The following LOC728743 variants were observed in gnomAD, a reference collection of about 807,000 sequenced individuals.
At chr7:150,410,940 A>C in the LOC728743 span, 7 of 152,334 alleles carry the variant, frequency 4.6e-5, no homozygotes, top group Admixed American at 3.9e-4. Flanking sequence ...CTTGTTCAGG[A>C]ATAAAGAATT....
chr7:150,409,546 G>C, the LOC728743 span, among the ~76,000 whole-genome samples: 1 of 152,222 alleles, frequency 6.6e-6, no homozygotes. Context: ...TGGTACTTAG[G>C]GGTACAACAG....
At chr7:150,411,048 G>A in the LOC728743 span, 6 of 152,334 alleles carry the variant, frequency 3.9e-5, no homozygotes, top group African/African-American at 1.4e-4. Context: ...ATTGGCAGAG[G>A]TCCCTTGGGC....
At chr7:150,408,950 G>A in the LOC728743 span, among the ~76,000 whole-genome samples, 1 of 152,158 alleles carries the variant, frequency 6.6e-6, no homozygotes, top group South Asian at 2.1e-4. Flanking sequence ...CATGAGGACC[G>A]CAGGCCCTGA....
the LOC728743 span, among the ~76,000 whole-genome samples, chr7:150,403,786 A>C: frequency 6.6e-6 from 1 of 151,448 alleles, no homozygotes; most frequent in Non-Finnish European, 1.5e-5. The surrounding 1 kb of genome is among the most constrained non-coding windows in gnomAD (Gnocchi z 5.1). Context: ...GGAGCAGTGA[A>C]GGGATGGGGT....
the LOC728743 span, among the ~76,000 whole-genome samples, chr7:150,406,351 C>G: frequency 6.6e-6 from 1 of 151,922 alleles, no homozygotes; most frequent in Admixed American, 6.6e-5. Context: ...TGGTGGGGGT[C>G]GTGGGAGTGG....
the LOC728743 span, chr7:150,410,986 A>G: frequency 2.6e-5 from 4 of 152,152 alleles, no homozygotes; most frequent in Admixed American, 6.5e-5. Flanking sequence ...CTTCTCCCAG[A>G]CCTAACGAAT....
At chr7:150,406,083 G>A in the LOC728743 span, among the ~76,000 whole-genome samples, 3 of 152,170 alleles carry the variant, frequency 2.0e-5, no homozygotes, top group African/African-American at 7.2e-5. Context: ...CAGTGCAGCT[G>A]CCTGTGGAAA....
At chr7:150,402,798 C>T in the LOC728743 span, among the ~76,000 whole-genome samples, 16 of 152,182 alleles carry the variant, frequency 1.1e-4, no homozygotes, top group Non-Finnish European at 1.5e-4. Context: ...GGAGCAGGGT[C>T]TGGAGCTGCC....
At chr7:150,401,911 G>A in the LOC728743 span, among the ~76,000 whole-genome samples, 2 of 152,164 alleles carry the variant, frequency 1.3e-5, no homozygotes, top group African/African-American at 2.4e-5. Flanking sequence ...TTGATAAGAA[G>A]CTAGAAACAT....
chr7:150,401,615 C>CAAGG, the LOC728743 span, among the ~76,000 whole-genome samples: 1 of 152,210 alleles, frequency 6.6e-6, no homozygotes, highest in African/African-American at 2.4e-5. Flanking sequence ...TGAATGGACT[C>CAAGG]CCTTAAGTTA....
At chr7:150,400,851 G>T in the LOC728743 span, 2 of 152,354 alleles carry the variant, frequency 1.3e-5, no homozygotes, top group East Asian at 3.8e-4. Context: ...TGTTATCCTA[G>T]TGGGTTACAA....
chr7:150,401,946 C>T, the LOC728743 span, among the ~76,000 whole-genome samples: 1 of 152,194 alleles, frequency 6.6e-6, no homozygotes, highest in Non-Finnish European at 1.5e-5. Context: ...TCACCTTCTC[C>T]CCTCTGCTCA....
chr7:150,409,826 C>A, the LOC728743 span, among the ~76,000 whole-genome samples: 1 of 152,094 alleles, frequency 6.6e-6, no homozygotes, highest in Non-Finnish European at 1.5e-5. Context: ...TCTGCCCATC[C>A]TCAGTGCTAT....
the LOC728743 span, among the ~76,000 whole-genome samples, chr7:150,408,679 C>G: frequency 6.6e-6 from 1 of 152,204 alleles, no homozygotes; most frequent in Non-Finnish European, 1.5e-5. Flanking sequence ...AGGCCACTTT[C>G]CACAAACCCC....
At chr7:150,401,071 A>C in the LOC728743 span, 1 of 152,258 alleles carries the variant, frequency 6.6e-6, no homozygotes, top group African/African-American at 2.4e-5. Flanking sequence ...ACATCCTGCA[A>C]ATGCAGCCAC....
the LOC728743 span, chr7:150,408,594 G>C: frequency 1.1e-5 from 2 of 178,650 alleles, no homozygotes; most frequent in Admixed American, 1.3e-4. Flanking sequence ...TGGGTACCGG[G>C]CTGTAGGTTT....
chr7:150,407,694 T>A, the LOC728743 span: 7 of 399,176 alleles, frequency 1.8e-5, no homozygotes, highest in Non-Finnish European at 3.1e-5. Flanking sequence ...GGCCTGGTCA[T>A]CCACCACCCT....
At chr7:150,403,216 C>T in the LOC728743 span, among the ~76,000 whole-genome samples, 4,417 of 152,044 alleles carry the variant, frequency 0.029, 213 homozygotes, top group African/African-American at 0.1. This position sits in a 1 kb window ranked among gnomAD's most constrained non-coding sequence, Gnocchi z 5.1. Flanking sequence ...TGTATGTGCA[C>T]GAAACTAGAG....
At chr7:150,407,516 C>T in the LOC728743 span, 44 of 398,160 alleles carry the variant, frequency 1.1e-4, no homozygotes, top group South Asian at 3.1e-3. Context: ...TGGGGGTTGG[C>T]TAACCCTCGT....
Sources: allele counts gnomAD v4.1 joint callset (sites outside exome capture counted in the v4.1 genomes callset), GRCh38; gene constraint gnomAD v4.1.1; non-coding constraint Gnocchi (gnomAD v3.1); transcripts MANE v1.5.